ABCC9: variants seen among roughly 807,000 people sequenced by gnomAD.
ABCC9 encodes the protein ATP-binding cassette sub-family C member 9.
In ABCC9, 95 loss-of-function variants were observed where a neutral mutation model predicts 188.3. That is an observed-to-expected ratio of 0.50 (90% CI 0.43 to 0.60). The LOEUF (loss-of-function observed/expected upper bound fraction) is 0.60, where lower values mean the gene tolerates loss of function less well. Ranked by LOEUF, ABCC9 falls within the 20% of genes least tolerant of loss-of-function variation. The probability of loss-of-function intolerance (pLI) is 0.00; values close to 1 mark genes in which losing one functional copy is unlikely to be tolerated. For synonymous variants in ABCC9, 659 were observed against 652.7 expected, an observed-to-expected ratio of 1.01 and a Z score of -0.15; for missense variants, 1,102 against 1,876.3, an observed-to-expected ratio of 0.59 and a Z score of 7.62.
chr12:21,798,991 G>T lies in ABCC9; in HGVS notation c.*2053C>A, dbSNP rs921160294. 7 of 146,720 alleles carry T rather than the reference G, an allele frequency of 4.8e-5. No homozygotes were observed. Among genetic ancestry groups the T allele is most frequent in the East Asian group, 2.0e-4 (1 of 5,052 alleles). The allele number at this position is 146,720 out of a possible 1,614,324, so 9.1% of individuals were successfully genotyped here. A position where few individuals can be genotyped will look rare whatever the true frequency, so the allele number is the denominator to read the frequency against. ...AAACCATCATTCTCAGTAAACTATC[G>T]CAAGAACAAAAAACCAAACACCGCA... On this transcript the variant is annotated 3_prime_UTR_variant, in exon 40 of 40. Transcript: ENST00000261200.
At chr12:21,809,533 C>G (rs778076138) in intron 37 of ABCC9, among the ~76,000 whole-genome samples, 1 of 152,032 alleles carries the variant, frequency 6.6e-6, no homozygotes, top group Admixed American at 6.6e-5. Context: ...TCAGACAGGT[C>G]AACTGAGAAA....
At chr12:21,816,179 T>G (rs1046905917) in intron 33 of ABCC9, among the ~76,000 whole-genome samples, 3 of 151,676 alleles carry the variant, frequency 2.0e-5, no homozygotes, top group African/African-American at 7.3e-5. Flanking sequence ...TCATCTCTCC[T>G]TAGCATTCCG....
chr12:21,881,567 T>G (rs77360959), intron 16 of ABCC9, among the ~76,000 whole-genome samples: 4,396 of 152,292 alleles, frequency 0.029, 81 homozygotes, highest in Middle Eastern at 0.048. Context: ...GGCCCTGTTT[T>G]TTATTCACCA....
rs541763518 is a variant in ABCC9, at chr12:21,866,460, CT to C, written c.2199-1984del. On this transcript the variant is annotated intron_variant, in intron 18 of 39. Transcript: ENST00000261200. ...TTCTTATAAAACACTGTACTTCTTC[CT>C]AGTCTTTATAAAACATTAATAAAAT... 7.1e-3 allele frequency among the ~76,000 whole-genome samples: 1,085 copies of C among 152,186 alleles called. 5 individuals carry two copies. Among genetic ancestry groups the C allele is most frequent in the Middle Eastern group, 0.02 (6 of 294 alleles).
At chr12:21,859,723 G>C in intron 21 of ABCC9, 57 bp from the exon 22 acceptor site, 3 of 1,405,624 alleles carry the variant, frequency 2.1e-6, no homozygotes, top group Non-Finnish European at 3.0e-6. Context: ...TGATCTTTTG[G>C]TAATATGACC....
At chr12:21,811,435 C>T (rs1942230293) in intron 36 of ABCC9, among the ~76,000 whole-genome samples, 1 of 152,164 alleles carries the variant, frequency 6.6e-6, no homozygotes, top group African/African-American at 2.4e-5. Flanking sequence ...ACTAGGTGTA[C>T]AAACTTGGTT....
At chr12:21,832,824 CAT>C (rs1427789764) in intron 30 of ABCC9, among the ~76,000 whole-genome samples, 3 of 152,274 alleles carry the variant, frequency 2.0e-5, no homozygotes, top group Admixed American at 6.5e-5. Flanking sequence ...GTTGCACACA[CAT>C]GTTTATAGCA....
intron 5 of ABCC9, chr12:21,925,686 C>A (rs925609100): frequency 1.4e-5 from 9 of 626,542 alleles, no homozygotes; most frequent in Non-Finnish European, 2.3e-5. Context: ...TTCCCCCACC[C>A]CCCTACACCA....
intron 30 of ABCC9, among the ~76,000 whole-genome samples, chr12:21,830,502 C>G (rs1943694151): frequency 6.6e-6 from 1 of 152,174 alleles, no homozygotes; most frequent in African/African-American, 2.4e-5. Flanking sequence ...ACTTCCCCCA[C>G]TCACCTCCCC....
At chr12:21,844,690 T>G in intron 27 of ABCC9, 77 bp downstream of exon 27, 2 of 1,597,240 alleles carry the variant, frequency 1.3e-6, no homozygotes, top group South Asian at 2.2e-5. Context: ...TCTTCTAACT[T>G]TCACATTCCA....
At chr12:21,915,514 A>ATATATATATATATTTTTTTTTTTTT in intron 7 of ABCC9, among the ~76,000 whole-genome samples, 154 bp downstream of exon 7, 3 of 3,522 alleles carry the variant, frequency 8.5e-4, no homozygotes, top group African/African-American at 2.2e-3. Flanking sequence ...ATATATATAT[A>ATATATATATATATTTTTTTTTTTTT]TTTTTTTTTT....
chr12:21,896,099 A>C (rs147826927), intron 12 of ABCC9, among the ~76,000 whole-genome samples: 2 of 128,058 alleles, frequency 1.6e-5, no homozygotes, highest in East Asian at 2.3e-4. Flanking sequence ...TTTTTTTTTT[A>C]CTTTTCTTTT....
intron 5 of ABCC9, among the ~76,000 whole-genome samples, chr12:21,920,811 A>T (rs1948785697): frequency 6.6e-6 from 1 of 152,038 alleles, no homozygotes. Context: ...ATAAGCGAGA[A>T]TATGAGATGT....
intron 10 of ABCC9, among the ~76,000 whole-genome samples, chr12:21,908,755 A>G (rs1372227740): frequency 6.6e-6 from 1 of 151,972 alleles, no homozygotes; most frequent in Non-Finnish European, 1.5e-5. Flanking sequence ...ACTTACTGAC[A>G]AGAAGGCTGA....
chr12:21,933,920 C>G lies in ABCC9; in HGVS notation c.146G>C (p.Trp49Ser), dbSNP rs886049175. 1.9e-6 allele frequency: 3 copies of G among 1,613,366 alleles called. No homozygotes were observed. The highest frequency in any genetic ancestry group is 2.2e-5 in the South Asian group (2 of 91,058). ...TTGTACTTTTGAGCTTTGGCTCCCC[C>G]ACCCTGGAAAAGAGAGAAAAGTTAA... ...FITFPILFIG[W>S]GSQSSKVQIH... Residue 49 changes from tryptophan to serine, a missense_variant, in exon 4 of 40, where the codon TGG becomes TCG. Trp to Ser is a radical substitution (Grantham distance 177). Around this residue, in one of 12 missense-constraint regions of ABCC9, gnomAD observed 305 missense variants for 573.0 expected, o/e 0.53. Transcript: ENST00000261200.
At chr12:21,863,197 A>G (rs1945608488) in intron 19 of ABCC9, 143 bp from the exon 20 acceptor site, 11 of 628,356 alleles carry the variant, frequency 1.8e-5, no homozygotes, top group South Asian at 1.6e-4. Flanking sequence ...AGAAAAATTT[A>G]AAGACCACCA....
chr12:21,901,151 G>A (rs1947728181), intron 12 of ABCC9, among the ~76,000 whole-genome samples: 1 of 152,106 alleles, frequency 6.6e-6, no homozygotes, highest in Non-Finnish European at 1.5e-5. Flanking sequence ...ACCAATATTT[G>A]ACATTCTTAA....
intron 16 of ABCC9, among the ~76,000 whole-genome samples, chr12:21,876,289 A>G (rs1946342377): frequency 6.6e-6 from 1 of 152,224 alleles, no homozygotes; most frequent in African/African-American, 2.4e-5. Flanking sequence ...CTTAAAAGAC[A>G]ATTATCCCAA....
chr12:21,804,216 A>C (rs2137098456), intron 39 of ABCC9, among the ~76,000 whole-genome samples: 1 of 152,336 alleles, frequency 6.6e-6, no homozygotes, highest in East Asian at 1.9e-4. Context: ...AAAAGTATTC[A>C]GTGAATGTAG....
Sources: allele counts gnomAD v4.1 joint callset (sites outside exome capture counted in the v4.1 genomes callset), GRCh38; gene constraint gnomAD v4.1.1; regional missense constraint gnomAD v4.1.1; transcripts MANE v1.5; gene names NCBI Gene and HGNC (gene_info 2026-07-23, HGNC 2026-07-21).